The following OR2L13 variants were observed in gnomAD, a reference collection of about 807,000 sequenced individuals.
OR2L13 encodes the protein olfactory receptor 2L13.
A neutral mutation model predicts 15.3 loss-of-function variants in OR2L13; 14 were observed. The ratio of observed to expected loss-of-function variants is 0.91; its 90% CI spans 0.60 to 1.43. The LOEUF (loss-of-function observed/expected upper bound fraction) is 1.43, where lower values mean the gene tolerates loss of function less well. Among genes scored for constraint, OR2L13 ranks in the 40% most tolerant of loss-of-function variants. The pLI, the probability that OR2L13 is intolerant of heterozygous loss-of-function variation, is 0.00. For missense variants in OR2L13, 367 were observed against 387.9 expected (o/e 0.95, Z 0.45); for synonymous variants, 152 against 142.9 (o/e 1.06, Z -0.45).
the OR2L13 span, among the ~76,000 whole-genome samples, chr1:248,026,328 A>G: frequency 1.3e-5 from 2 of 152,168 alleles, no homozygotes; most frequent in African/African-American, 4.8e-5. Flanking sequence ...CACTCCTGAG[A>G]CAGCAAGACC....
At chr1:247,969,987 C>T in the OR2L13 span, among the ~76,000 whole-genome samples, 5 of 152,148 alleles carry the variant, frequency 3.3e-5, no homozygotes, top group African/African-American at 1.2e-4. Flanking sequence ...CCGGCCAACT[C>T]CTATGCAGAA....
At chr1:248,037,267 A>G in the OR2L13 span, among the ~76,000 whole-genome samples, 1 of 152,322 alleles carries the variant, frequency 6.6e-6, no homozygotes, top group East Asian at 1.9e-4. Context: ...ACAATTCAAG[A>G]AGGAAATATA....
At chr1:248,065,478 C>T in the OR2L13 span, among the ~76,000 whole-genome samples, 1 of 151,144 alleles carries the variant, frequency 6.6e-6, no homozygotes, top group African/African-American at 2.4e-5. Context: ...TACATGTGCA[C>T]AATGTGCAGG....
At chr1:247,966,289 T>C in the OR2L13 span, 2 of 1,613,762 alleles carry the variant, frequency 1.2e-6, no homozygotes, top group South Asian at 2.2e-5. Context: ...GAGGAGACTG[T>C]TGGGATATTG....
the OR2L13 span, among the ~76,000 whole-genome samples, chr1:247,984,281 C>T: frequency 2.0e-5 from 3 of 150,628 alleles, no homozygotes; most frequent in South Asian, 4.2e-4. Flanking sequence ...TCAGTTAAAA[C>T]GTGGCATTAA....
At chr1:248,089,290 C>T in the OR2L13 span, among the ~76,000 whole-genome samples, 6 of 152,116 alleles carry the variant, frequency 3.9e-5, no homozygotes, top group African/African-American at 1.2e-4. Context: ...AGCTCCTGTG[C>T]CACCCTCTGG....
the OR2L13 span, among the ~76,000 whole-genome samples, chr1:248,049,497 A>C: frequency 6.6e-6 from 1 of 152,164 alleles, no homozygotes; most frequent in African/African-American, 2.4e-5. Flanking sequence ...CCAGTAGGGA[A>C]TCTTTTACAT....
chr1:248,090,613 T>A (rs113142300), upstream of OR2L13, among the ~76,000 whole-genome samples: 2,680 of 152,276 alleles, frequency 0.018, 81 homozygotes, highest in African/African-American at 0.06. Flanking sequence ...CAAAGGACAT[T>A]ATCTCAGTCT....
At chr1:247,940,907 T>G in the OR2L13 span, among the ~76,000 whole-genome samples, 4 of 152,156 alleles carry the variant, frequency 2.6e-5, no homozygotes. Context: ...TTCATCAACA[T>G]CTGTGCTTTT....
chr1:247,968,751 A>G, the OR2L13 span, among the ~76,000 whole-genome samples: 1 of 151,748 alleles, frequency 6.6e-6, no homozygotes, highest in African/African-American at 2.4e-5. Flanking sequence ...TCATTGATGG[A>G]CATTTGGGTT....
chr1:248,091,651 T>C (rs1479914206), upstream of OR2L13, among the ~76,000 whole-genome samples: 1 of 152,216 alleles, frequency 6.6e-6, no homozygotes, highest in Admixed American at 6.5e-5. Context: ...GCATCTGTCA[T>C]TGTACCATTA....
At chr1:248,062,978 C>A in the OR2L13 span, 1 of 152,106 alleles carries the variant, frequency 6.6e-6, no homozygotes, top group Admixed American at 6.6e-5. Flanking sequence ...TATGCCAGTA[C>A]CATTCTGTTT....
chr1:248,046,200 G>A, the OR2L13 span, among the ~76,000 whole-genome samples: 26 of 152,206 alleles, frequency 1.7e-4, no homozygotes, highest in Admixed American at 8.5e-4. Flanking sequence ...GGAGAAAATA[G>A]CTTTTCAATT....
the OR2L13 span, among the ~76,000 whole-genome samples, chr1:247,972,463 C>T: frequency 1.1e-4 from 17 of 152,040 alleles, no homozygotes; most frequent in South Asian, 1.2e-3. Context: ...AATACAAACT[C>T]GCATCAGAGA....
chr1:247,993,780 A>AGC, the OR2L13 span, among the ~76,000 whole-genome samples: 1 of 140,826 alleles, frequency 7.1e-6, no homozygotes, highest in Non-Finnish European at 1.5e-5. Flanking sequence ...AGAGAGAGAG[A>AGC]GAGAGAGAGA....
At chr1:248,006,165 A>G in the OR2L13 span, among the ~76,000 whole-genome samples, 7 of 151,870 alleles carry the variant, frequency 4.6e-5, no homozygotes, top group South Asian at 8.3e-4. Flanking sequence ...CACTGCTTCT[A>G]TCATTACTAC....
chr1:247,982,324 A>G, the OR2L13 span, among the ~76,000 whole-genome samples: 6 of 152,152 alleles, frequency 3.9e-5, no homozygotes. Context: ...CTCTCTTCAA[A>G]TCCTTGTGAT....
chr1:248,014,128 A>G, the OR2L13 span, among the ~76,000 whole-genome samples: 1 of 152,108 alleles, frequency 6.6e-6, no homozygotes, highest in African/African-American at 2.4e-5. Flanking sequence ...TTCTTTTGCC[A>G]CAAGTGGTGA....
chr1:247,948,305 G>A, the OR2L13 span, among the ~76,000 whole-genome samples: 2,358 of 152,226 alleles, frequency 0.015, 50 homozygotes, highest in African/African-American at 0.053. Context: ...TGTAATGTAT[G>A]CATTTATAGT....
Sources: allele counts gnomAD v4.1 joint callset (sites outside exome capture counted in the v4.1 genomes callset), GRCh38; gene constraint gnomAD v4.1.1; transcripts MANE v1.5; gene names NCBI Gene and HGNC (gene_info 2026-07-23, HGNC 2026-07-21).